Variants in PSKH1 observed in about 807,000 individuals in gnomAD.
PSKH1 encodes serine/threonine-protein kinase H1.
PSKH1 carries 12 observed loss-of-function variants against 26.7 expected under a neutral mutation model. The observed-to-expected ratio is 0.45, with a 90% CI of 0.29 to 0.73. The LOEUF (loss-of-function observed/expected upper bound fraction) is 0.73, where lower values mean the gene tolerates loss of function less well. Among genes scored for constraint, PSKH1 ranks in the 30% least tolerant of loss-of-function variants. PSKH1 has a pLI of 0.11. For missense variants in PSKH1, 431 were observed against 595.2 expected (o/e 0.72, Z 2.87); for synonymous variants, 213 against 234.3 (o/e 0.91, Z 0.83).
intron 2 of PSKH1, among the ~76,000 whole-genome samples, chr16:67,917,213 G>A (rs2058190312): frequency 6.6e-6 from 1 of 152,204 alleles, no homozygotes; most frequent in Non-Finnish European, 1.5e-5. Context: ...AACTGAGGAT[G>A]GTGAGGTTAC....
chr16:67,909,993 A>T lies in PSKH1; in HGVS notation c.957+287A>T. ...GGAAGGGAGAAAGTCAGTAGAGTAT[A>T]TTGAGAAATGGACTGCCACTGTGGG... On this transcript the variant is annotated intron_variant, in intron 2 of 2. Transcript: ENST00000291041. This position sits in a 1 kb window ranked among gnomAD's most constrained non-coding sequence, Gnocchi z 7.8. The T allele has an allele frequency of 3.8e-6, 2 of 531,698 alleles. No individual in the cohort carries two copies. The highest frequency in any genetic ancestry group is 3.3e-6 in the Non-Finnish European group (1 of 299,516). 32.9% of individuals were successfully genotyped at this position (531,698 alleles called of 1,614,324 possible). A position where few individuals can be genotyped will look rare whatever the true frequency, so the allele number is the denominator to read the frequency against.
intron 1 of PSKH1, among the ~76,000 whole-genome samples, chr16:67,898,053 T>G (rs1287865284): frequency 6.6e-6 from 1 of 152,144 alleles, no homozygotes; most frequent in Admixed American, 6.5e-5. Context: ...GGTTTCACTG[T>G]GTTGGCCAGG....
chr16:67,909,724 C>T lies in PSKH1; in HGVS notation c.957+18C>T. ...CTGGGGAGGTGAGTCTGTCCTGCCC[C>T]TGTCCTGGATGTTGGGGAGGCACCT... On this transcript the variant is annotated intron_variant, in intron 2 of 2. Transcript: ENST00000291041. The surrounding 1 kb of genome is among the most constrained non-coding windows in gnomAD (Gnocchi z 7.8). 2 of 1,601,116 alleles carry T rather than the reference C, an allele frequency of 1.2e-6. No individual in the cohort carries two copies. The highest frequency in any genetic ancestry group is 1.7e-6 in the Non-Finnish European group (2 of 1,175,786).
chr16:67,900,742 T>G (rs1226363614), intron 1 of PSKH1, among the ~76,000 whole-genome samples: 1 of 152,180 alleles, frequency 6.6e-6, no homozygotes, highest in Non-Finnish European at 1.5e-5. Flanking sequence ...GTGCCTTCTT[T>G]GAAGAGTGCT....
At chr16:67,921,538 G>A (rs973086470) in intron 2 of PSKH1, among the ~76,000 whole-genome samples, 6 of 150,512 alleles carry the variant, frequency 4.0e-5, no homozygotes, top group South Asian at 4.2e-4. Flanking sequence ...TGCACATCGC[G>A]CCACTGCACT....
chr16:67,895,973 T>G (rs938094488), intron 1 of PSKH1, among the ~76,000 whole-genome samples: 2 of 152,200 alleles, frequency 1.3e-5, no homozygotes, highest in Non-Finnish European at 2.9e-5. Context: ...CTACTACATG[T>G]GCTTGTAGAG....
At chr16:67,901,726 C>G (rs1488402241) in intron 1 of PSKH1, among the ~76,000 whole-genome samples, 1 of 151,298 alleles carries the variant, frequency 6.6e-6, no homozygotes, top group East Asian at 1.9e-4. Flanking sequence ...CCTCGACTTC[C>G]CTGGCTCAAG....
intron 2 of PSKH1, among the ~76,000 whole-genome samples, chr16:67,913,758 A>G (rs2058179518): frequency 6.6e-6 from 1 of 152,238 alleles, no homozygotes; most frequent in Non-Finnish European, 1.5e-5. Context: ...GTTAAAATGT[A>G]GATTCTGATT....
At chr16:67,915,170 T>G (rs2058183758) in intron 2 of PSKH1, among the ~76,000 whole-genome samples, 1 of 150,998 alleles carries the variant, frequency 6.6e-6, no homozygotes, top group African/African-American at 2.4e-5. Context: ...TCACAGTGAA[T>G]GAGTGAGTGA....
intron 1 of PSKH1, among the ~76,000 whole-genome samples, chr16:67,893,898 C>G (rs922695539): frequency 3.9e-5 from 6 of 152,180 alleles, no homozygotes; most frequent in Admixed American, 1.3e-4. Flanking sequence ...GTCCCCCACA[C>G]TTAGTCCCCC....
At chr16:67,894,044 G>A (rs1396621730) in intron 1 of PSKH1, among the ~76,000 whole-genome samples, 1 of 152,164 alleles carries the variant, frequency 6.6e-6, no homozygotes, top group Non-Finnish European at 1.5e-5. Flanking sequence ...TCGTAATCTG[G>A]TGAAGGTTTA....
chr16:67,899,988 G>C (rs559184140), intron 1 of PSKH1, among the ~76,000 whole-genome samples: 1 of 151,566 alleles, frequency 6.6e-6, no homozygotes, highest in South Asian at 2.1e-4. Context: ...TTGAGACGGA[G>C]TGCTGCCCTG....
chr16:67,926,869 G>A (rs1435180542), intron 2 of PSKH1, among the ~76,000 whole-genome samples: 1 of 152,138 alleles, frequency 6.6e-6, no homozygotes, highest in Non-Finnish European at 1.5e-5. Flanking sequence ...TCGGCAGTTG[G>A]AGAGAGGTTG....
Position 67,908,822 on chromosome 16 carries a change from G to A in PSKH1, c.73G>A (p.Glu25Lys). ...CCAGCTGGATCTGGTCAAGAAGGTG[G>A]AGCCCTTCAGTGGCACTAAGAGTGA... ...DVQLDLVKKVEPFSGTKSDVY... is the reference protein window; with the variant it reads ...DVQLDLVKKVKPFSGTKSDVY... Residue 25 changes from glutamate to lysine, a missense_variant, in exon 2 of 3, where the codon GAG (glutamate) becomes AAG (lysine). Transcript: ENST00000291041. 1 of 1,613,730 alleles carries A rather than the reference G, an allele frequency of 6.2e-7. No individual in the cohort carries two copies.
intron 1 of PSKH1, among the ~76,000 whole-genome samples, chr16:67,907,362 G>C (rs1438540031): frequency 2.6e-5 from 4 of 151,752 alleles, no homozygotes; most frequent in African/African-American, 9.7e-5. Context: ...CCGGGTTCAA[G>C]CAATTCTTCT....
chr16:67,911,084 C>T (rs990801285), intron 2 of PSKH1, among the ~76,000 whole-genome samples: 5 of 152,204 alleles, frequency 3.3e-5, no homozygotes, highest in African/African-American at 4.8e-5. Context: ...AGCATGGCAG[C>T]TGGAGCCTAG....
In PSKH1 at chr16:67,909,963, A is replaced by T; in HGVS notation, c.957+257A>T. On this transcript the variant is annotated intron_variant, in intron 2 of 2. Coordinates refer to ENST00000291041, the MANE Select transcript of PSKH1 (RefSeq NM_006742.3). The surrounding 1 kb of genome is among the most constrained non-coding windows in gnomAD (Gnocchi z 7.8). ...TAAAAGTGAAGGAGTGGGAAAAGTGAGGCAGGAAGGGAGAAAGTCAGTAGA... is the reference window on the plus strand; with the variant it reads ...TAAAAGTGAAGGAGTGGGAAAAGTGTGGCAGGAAGGGAGAAAGTCAGTAGA... 1.8e-6 allele frequency: 1 copy of T among 563,214 alleles called. No homozygotes were observed. The highest frequency in any genetic ancestry group is 3.2e-6 in the Non-Finnish European group (1 of 316,234). 34.9% of individuals were successfully genotyped at this position (563,214 alleles called of 1,614,324 possible).
intron 2 of PSKH1, among the ~76,000 whole-genome samples, chr16:67,921,585 A>T (rs1294821764): frequency 6.9e-6 from 1 of 145,726 alleles, no homozygotes; most frequent in Non-Finnish European, 1.5e-5. Flanking sequence ...TGTCTCTCTT[A>T]AAAAAAAAAA....
At chr16:67,899,255 G>A (rs1567396852) in intron 1 of PSKH1, among the ~76,000 whole-genome samples, 2 of 151,808 alleles carry the variant, frequency 1.3e-5, no homozygotes, top group African/African-American at 4.8e-5. Flanking sequence ...TTTAACCACC[G>A]ATCTTGCCTC....
Sources: gnomAD v4.1 joint callset for allele counts (sites outside exome capture counted in the v4.1 genomes callset) on GRCh38, gnomAD v4.1.1 for gene constraint, Gnocchi (gnomAD v3.1) non-coding constraint, MANE v1.5 for transcripts, NCBI Gene and HGNC (gene_info 2026-07-23, HGNC 2026-07-21) for gene names.